Variants in MGAT4B observed in about 807,000 individuals in gnomAD.
The protein encoded by MGAT4B is N-acetylglucosaminyltransferase IVb.
A neutral mutation model predicts 73.9 loss-of-function variants in MGAT4B; 38 were observed. The observed-to-expected ratio is 0.51, with a 90% CI of 0.40 to 0.67. MGAT4B has a LOEUF of 0.67. MGAT4B is among the 30% of genes least tolerant of loss of function. The probability of loss-of-function intolerance (pLI) is 0.00; values close to 1 mark genes in which losing one functional copy is unlikely to be tolerated. For missense variants in MGAT4B, 686 were observed against 735.2 expected, an observed-to-expected ratio of 0.93 and a Z score of 0.77; for synonymous variants, 373 against 313.5, an observed-to-expected ratio of 1.19 and a Z score of -2.01.
rs753032247 is a variant in MGAT4B at position 179,801,345 on chromosome 5, G to A, written c.547C>T (p.Leu183=). 42 of 1,611,332 alleles carry A rather than the reference G, an allele frequency of 2.6e-5. No individual in the cohort carries two copies. The South Asian group carries it at 4.1e-4, about 16-fold the overall frequency. The change falls in exon 4 of 15, where the codon CTG becomes TTG. Residue 183 remains leucine (L), a synonymous_variant. Transcript: ENST00000292591. This position sits in a 1 kb window ranked among gnomAD's most constrained non-coding sequence, Gnocchi z 4.8. ...QEKEDSVIVV[L]IAETDSQYTS... ...CCCGGCTCACTCGCCTCGGCGATCAGCACCACGATGACCGAGTCCTCCTTC... is the reference window on the plus strand; with the variant it reads ...CCCGGCTCACTCGCCTCGGCGATCAACACCACGATGACCGAGTCCTCCTTC...
In MGAT4B at chr5:179,798,843, C is replaced by T. The variant is rs535824668; in HGVS notation, c.1343+85G>A. On this transcript the variant is annotated intron_variant, in intron 11 of 14. Coordinates refer to ENST00000292591, the MANE Select transcript of MGAT4B (RefSeq NM_014275.5). ...CACTTCAGATGCGGAAACTGAAGAA[C>T]GTGAGGATAACTTGCCGGTGAAGCC... 1,123 of 1,491,258 alleles carry T rather than the reference C, an allele frequency of 7.5e-4. 23 individuals are homozygous for T. The South Asian group carries it at 0.012, about 17-fold the overall frequency. The allele number at this position is 1,491,258 out of a possible 1,614,324, so 92.4% of individuals were successfully genotyped here. A position where few individuals can be genotyped will look rare whatever the true frequency, so the allele number is the denominator to read the frequency against.
In MGAT4B at chr5:179,798,537, C is replaced by A. The variant is rs908719160; in HGVS notation, c.1398G>T (p.Thr466=). The change falls in exon 12 of 15, where the codon ACG becomes ACT. Residue 466 remains threonine, a synonymous_variant. Coordinates refer to ENST00000292591, the MANE Select transcript of MGAT4B (RefSeq NM_014275.5). The part of the protein sequence containing the change: ...IEHPEDKLFN[T]SVEVLPFDNP... ...CGTCGAAGGGCAGCACCTCCACAGACGTGTTGAAGAGCTTGTCCTCCGGGT... is the reference window on the plus strand; with the variant it reads ...CGTCGAAGGGCAGCACCTCCACAGAAGTGTTGAAGAGCTTGTCCTCCGGGT... 1 of 1,613,458 alleles carries A rather than the reference C, an allele frequency of 6.2e-7. No individual in the cohort carries two copies. The highest frequency in any genetic ancestry group is 1.3e-5 in the African/African-American group (1 of 74,928).
intron 1 of MGAT4B, among the ~76,000 whole-genome samples, chr5:179,805,714 A>AGCAG (rs992679804): frequency 5.9e-5 from 9 of 152,334 alleles, no homozygotes; most frequent in Admixed American, 2.0e-4. Flanking sequence ...TTAGGCCTCC[A>AGCAG]GCAGGCAGGC....
intron 6 of MGAT4B, 42 bp downstream of exon 6, chr5:179,800,442 C>T (rs1756863932): frequency 1.4e-6 from 2 of 1,473,206 alleles, no homozygotes; most frequent in African/African-American, 1.4e-5. Context: ...GTTCTCAGCA[C>T]AGGCAGGCGG....
rs1183484047 is a variant in MGAT4B, at chr5:179,801,686, G to A, written c.292C>T (p.Arg98Ter). 1 of 1,608,774 alleles carries A rather than the reference G, an allele frequency of 6.2e-7. No homozygotes were observed. Among genetic ancestry groups the A allele is most frequent in the Non-Finnish European group, 8.5e-7 (1 of 1,178,828 alleles). Residue 98 changes from arginine to a stop codon, truncating the protein, a stop_gained, in exon 3 of 15, where the codon CGA (arginine) becomes TGA (stop). Transcript: ENST00000292591. LOFTEE classifies it high-confidence loss of function. The surrounding 1 kb of genome is among the most constrained non-coding windows in gnomAD (Gnocchi z 4.8). Reference protein sequence around the residue: ...RTWGRLTEDPRLKPWNGSHRH... With the variant: ...RTWGRLTEDP ...TGTGAGCCGTTCCACGGCTTCAATC[G>A]GGGGTCCTCTGGGTGGGTCGGGAAG...
chr5:179,802,877 CTA>C, intron 1 of MGAT4B: 1 of 985,416 alleles, frequency 1.0e-6, no homozygotes. Flanking sequence ...CTCTGAAAAC[CTA>C]TGTGGCCTAC....
intron 1 of MGAT4B, chr5:179,802,652 A>G: frequency 1.0e-6 from 1 of 986,632 alleles, no homozygotes; most frequent in Non-Finnish European, 1.2e-6. Context: ...AAGGGTCCGC[A>G]TGCCACCCCA....
At position 179,799,277 on chromosome 5, in the gene MGAT4B, T is replaced by C. The variant is rs780987129; in HGVS notation, c.1075A>G (p.Ile359Val). 2 of 1,613,782 alleles carry C rather than the reference T, an allele frequency of 1.2e-6. No individual in the cohort carries two copies. The highest frequency in any genetic ancestry group is 1.7e-6 in the Non-Finnish European group (2 of 1,180,024). The change falls in exon 10 of 15, where the codon ATC (isoleucine) becomes GTC (valine). Residue 359 changes from isoleucine to valine, a missense_variant. By Grantham distance (29) the Ile-to-Val change is conservative (BLOSUM62 3). This residue lies in a region of MGAT4B where 449 missense variants were observed against 536.8 expected (regional missense o/e 0.84). Transcript: ENST00000292591. ...TGGAAGAGGGACGGTTTGAAGCGGATCCGCAGGTTGGCTTTCTGCCGGTCA... is the reference window on the plus strand; with the variant it reads ...TGGAAGAGGGACGGTTTGAAGCGGACCCGCAGGTTGGCTTTCTGCCGGTCA... ...HCDRQKANLRIRFKPSLFQHV... is the reference protein window; with the variant it reads ...HCDRQKANLRVRFKPSLFQHV...
chr5:179,802,437 A>T (rs1377775784), intron 1 of MGAT4B: 8 of 1,092,750 alleles, frequency 7.3e-6, no homozygotes, highest in African/African-American at 1.6e-5. Flanking sequence ...CTCACCCTGC[A>T]CTGGATTCTT....
chr5:179,801,683 A>C lies in MGAT4B; in HGVS notation c.295T>G (p.Leu99Val). The C allele has an allele frequency of 6.2e-7, 1 of 1,608,890 alleles. No individual in the cohort carries two copies. Among genetic ancestry groups the C allele is most frequent in the Non-Finnish European group, 8.5e-7 (1 of 1,178,888 alleles). The change falls in exon 3 of 15, where the codon TTG (leucine) becomes GTG (valine). Residue 99 changes from leucine (L) to valine (V), a missense_variant. By Grantham distance (32) the Leu-to-Val change is conservative (BLOSUM62 1). Coordinates refer to ENST00000292591, the MANE Select transcript of MGAT4B (RefSeq NM_014275.5). This position sits in a 1 kb window ranked among gnomAD's most constrained non-coding sequence, Gnocchi z 4.8. Reference protein sequence around the residue: ...TWGRLTEDPRLKPWNGSHRHV... With the variant: ...TWGRLTEDPRVKPWNGSHRHV... ...CGGTGTGAGCCGTTCCACGGCTTCA[A>C]TCGGGGGTCCTCTGGGTGGGTCGGG...
chr5:179,802,794 G>C (rs949178891), intron 1 of MGAT4B: 3 of 985,490 alleles, frequency 3.0e-6, no homozygotes, highest in Non-Finnish European at 3.6e-6. Context: ...GCAAGAATGA[G>C]ATCAACAACC....
At position 179,799,059 on chromosome 5, in the gene MGAT4B, G is replaced by A. The variant is rs1196768513; in HGVS notation, c.1212C>T (p.Ser404=). The A allele has an allele frequency of 8.1e-6, 13 of 1,613,992 alleles. No individual in the cohort carries two copies. Among genetic ancestry groups the A allele is most frequent in the South Asian group, 5.5e-5 (5 of 91,090 alleles). The change falls in exon 11 of 15, where the codon AGC becomes AGT. Residue 404 remains serine (S), a synonymous_variant. Coordinates refer to ENST00000292591, the MANE Select transcript of MGAT4B (RefSeq NM_014275.5). ...KEHVNPPAEV[S]TSLKTYQHFT... ...AGTGCTGGTATGTCTTCAGGCTCGT[G>A]CTCACCTCTGCTGGCGGGTTCACAT...
chr5:179,798,891 C>T, intron 11 of MGAT4B, 37 bp downstream of exon 11: 1 of 1,609,604 alleles, frequency 6.2e-7, no homozygotes, highest in African/African-American at 1.3e-5. Context: ...GCCACCCAGC[C>T]CCGCCCCCAT....
At position 179,797,915 on chromosome 5, in the gene MGAT4B, G is replaced by C; in HGVS notation, c.*130C>G. ...CCGGGCCAGCGGCGGACCCCAGGCC[G>C]GCCCAAGCCCGACGCCAGGCAGAAC... On this transcript the variant is annotated 3_prime_UTR_variant, in exon 15 of 15. Transcript: ENST00000292591. 2 of 1,343,914 alleles carry C rather than the reference G, an allele frequency of 1.5e-6. No individual in the cohort carries two copies. The highest frequency in any genetic ancestry group is 2.1e-6 in the Non-Finnish European group (2 of 973,634). The allele number at this position is 1,343,914 out of a possible 1,614,324, so 83.2% of individuals were successfully genotyped here. A position where few individuals can be genotyped will look rare whatever the true frequency, so the allele number is the denominator to read the frequency against.
rs1175033664 is a variant in MGAT4B, at chr5:179,798,448, C to T, written c.1423-14G>A. On this transcript the variant is annotated splice_polypyrimidine_tract_variant and intron_variant, in intron 12 of 14. Transcript: ENST00000292591. ...TGACTGAGGGTTCTGGGGGCAGAAT[C>T]AAGGGCTGAGGCAGGTGGTCACAGG... 6.2e-7 allele frequency: 1 copy of T among 1,612,806 alleles called. No homozygotes were observed.
chr5:179,805,684 G>A (rs1192972005), intron 1 of MGAT4B, among the ~76,000 whole-genome samples: 4 of 152,362 alleles, frequency 2.6e-5, no homozygotes, highest in South Asian at 2.1e-4. Flanking sequence ...GAGGCCGAGG[G>A]GCAGCTGGAC....
Position 179,806,603 on chromosome 5 carries a change from G to T in MGAT4B, c.-20C>A. On this transcript the variant is annotated 5_prime_UTR_variant, in exon 1 of 15. Coordinates refer to ENST00000292591, the MANE Select transcript of MGAT4B (RefSeq NM_014275.5). The surrounding 1 kb of genome is among the most constrained non-coding windows in gnomAD (Gnocchi z 4.6). ...CCTCATCTCCTCGGGTGCGCGGCGG[G>T]CGCCCGCGGGGCCGAGGCTGCATGG... 1 of 1,222,098 alleles carries T rather than the reference G, an allele frequency of 8.2e-7. No homozygotes were observed. The allele number at this position is 1,222,098 out of a possible 1,614,324, so 75.7% of individuals were successfully genotyped here.
rs764802627 is a variant in MGAT4B, at chr5:179,801,332, G to A, written c.558+2C>T. 28 of 1,607,340 alleles carry A rather than the reference G, an allele frequency of 1.7e-5. No homozygotes were observed. The highest frequency in any genetic ancestry group is 4.5e-5 in the East Asian group (2 of 44,676). On this transcript the variant is annotated splice_donor_variant, in intron 4 of 14. Transcript: ENST00000292591. LOFTEE classifies it low-confidence loss of function (GC_TO_GT_DONOR). The surrounding 1 kb of genome is among the most constrained non-coding windows in gnomAD (Gnocchi z 4.8). ...CCCAACCCCGCGTCCCGGCTCACTC[G>A]CCTCGGCGATCAGCACCACGATGAC...
At position 179,801,760 on chromosome 5, in the gene MGAT4B, T is replaced by C. The variant is rs983049196; in HGVS notation, c.283+24A>G. 1.3e-6 allele frequency: 2 copies of C among 1,564,388 alleles called. No individual in the cohort carries two copies. The highest frequency in any genetic ancestry group is 8.7e-7 in the Non-Finnish European group (1 of 1,151,826). On this transcript the variant is annotated intron_variant, in intron 2 of 14. Transcript: ENST00000292591. This position sits in a 1 kb window ranked among gnomAD's most constrained non-coding sequence, Gnocchi z 4.8. ...CTACAACCAGCCCGCCCCCGCCTTT[T>C]CCCCCTCCCGCCCCAGACCTCACCT...
Sources: gnomAD v4.1 joint callset for allele counts (sites outside exome capture counted in the v4.1 genomes callset) on GRCh38, gnomAD v4.1.1 for gene constraint, gnomAD v4.1.1 regional missense constraint, Gnocchi (gnomAD v3.1) non-coding constraint, MANE v1.5 for transcripts, NCBI Gene and HGNC (gene_info 2026-07-23, HGNC 2026-07-21) for gene names.